Variants in TRIM37 observed in about 807,000 individuals in gnomAD.
TRIM37 encodes the protein tripartite motif containing 37.
In TRIM37, 80 loss-of-function variants were observed where a neutral mutation model predicts 129.8. The ratio of observed to expected loss-of-function variants is 0.62; its 90% CI spans 0.51 to 0.74. The LOEUF (loss-of-function observed/expected upper bound fraction) is 0.74. Among genes scored for constraint, TRIM37 ranks in the 30% least tolerant of loss-of-function variants. The pLI, the probability that TRIM37 is intolerant of heterozygous loss-of-function variation, is 0.00. For missense variants in TRIM37, 1,054 were observed against 1,176.5 expected (o/e 0.90, Z 1.52); for synonymous variants, 389 against 387.1 (o/e 1.00, Z -0.06).
intron 2 of TRIM37, among the ~76,000 whole-genome samples, chr17:59,093,638 AC>A (rs1334090104): frequency 6.6e-6 from 1 of 152,222 alleles, no homozygotes; most frequent in African/African-American, 2.4e-5. Flanking sequence ...ACTTATAAAG[AC>A]TGGGACTATG....
At chr17:59,039,323 A>C (rs192389982) in intron 17 of TRIM37, among the ~76,000 whole-genome samples, 3 of 148,292 alleles carry the variant, frequency 2.0e-5, no homozygotes, top group Non-Finnish European at 3.0e-5. Flanking sequence ...CAGAGGCCAC[A>C]CTTCCCAGCC....
intron 22 of TRIM37, among the ~76,000 whole-genome samples, chr17:59,007,158 A>ACACAC (rs2034600895): frequency 1.2e-4 from 1 of 8,332 alleles, no homozygotes; most frequent in African/African-American, 5.4e-4. Context: ...CCCACCCTCC[A>ACACAC]ACACACACAC....
rs567050670 is a variant in TRIM37, at chr17:59,083,983, C to T, written c.369+19G>A. The T allele has an allele frequency of 1.2e-6, 2 of 1,604,842 alleles. No individual in the cohort carries two copies. The highest frequency in any genetic ancestry group is 2.7e-5 in the African/African-American group (2 of 74,874). On this transcript the variant is annotated intron_variant, in intron 5 of 23. Transcript: ENST00000262294. ...TCTAGCCTCTAACTTAAAAAAAATA[C>T]TGAATTTGTTCTGCTCACCATTCCT...
intron 23 of TRIM37, among the ~76,000 whole-genome samples, chr17:59,000,262 A>G (rs1413064861): frequency 6.6e-6 from 1 of 152,238 alleles, no homozygotes; most frequent in Non-Finnish European, 1.5e-5. Flanking sequence ...AATAACATAC[A>G]AATATATTTA....
chr17:59,075,742 C>T (rs1481106941), intron 7 of TRIM37, 28 bp from the exon 8 acceptor site: 9 of 1,510,800 alleles, frequency 6.0e-6, no homozygotes, highest in Admixed American at 3.3e-5. Flanking sequence ...ATCATCAACA[C>T]TTGGGTTCAT....
downstream of TRIM37, among the ~76,000 whole-genome samples, chr17:58,995,861 T>C (rs1182517204): frequency 2.6e-5 from 4 of 151,802 alleles, no homozygotes; most frequent in Admixed American, 2.6e-4. Flanking sequence ...ACAAAAATTA[T>C]CCCAGTGTGA....
At chr17:59,051,634 T>C (rs1290451418) in intron 13 of TRIM37, among the ~76,000 whole-genome samples, 1 of 152,192 alleles carries the variant, frequency 6.6e-6, no homozygotes, top group Non-Finnish European at 1.5e-5. Context: ...TGATCATGAG[T>C]TGGGAAGAAG....
the TRIM37 span, chr17:58,969,743 A>G: frequency 4.3e-6 from 7 of 1,612,692 alleles, no homozygotes; most frequent in South Asian, 4.4e-5. Flanking sequence ...CCCCTTTCTC[A>G]TAAGTTCCAG....
At chr17:59,079,647 T>G in intron 7 of TRIM37, 107 bp downstream of exon 7, 1 of 1,452,434 alleles carries the variant, frequency 6.9e-7, no homozygotes, top group African/African-American at 1.4e-5. Flanking sequence ...TGGAGTTGCC[T>G]AAAATCTCAA....
At chr17:59,043,486 A>T (rs2039468101) in intron 16 of TRIM37, among the ~76,000 whole-genome samples, 1 of 152,228 alleles carries the variant, frequency 6.6e-6, no homozygotes, top group African/African-American at 2.4e-5. Flanking sequence ...AGACTGGTGC[A>T]GTGAAGAACA....
Position 58,999,236 on chromosome 17 carries a change from GTTTCCAAATTACTAT to G in TRIM37, c.*126_*140del. 1 of 1,572,838 alleles carries G rather than the reference GTTTCCAAATTACTAT, an allele frequency of 6.4e-7. No homozygotes were observed. Among genetic ancestry groups the G allele is most frequent in the Non-Finnish European group, 8.6e-7 (1 of 1,161,254 alleles). On this transcript the variant is annotated 3_prime_UTR_variant, in exon 24 of 24. Coordinates refer to ENST00000262294, the MANE Select transcript of TRIM37 (RefSeq NM_015294.6). Reference sequence around the variant, plus strand: ...GACTAAACTGTGCCACCTTCCAACAGTTTCCAAATTACTATTTCAGGTCGAGATAATGAAGAAATA... The same window carrying G: ...GACTAAACTGTGCCACCTTCCAACAGTTCAGGTCGAGATAATGAAGAAATA...
At position 59,017,088 on chromosome 17, in the gene TRIM37, C is replaced by T. The variant is rs138702448; in HGVS notation, c.2386+208G>A. Among the ~76,000 whole-genome samples the T allele has an allele frequency of 5.1e-4, 78 of 152,180 alleles. No homozygotes were observed. In the East Asian group the frequency reaches 0.011, roughly 22 times the overall value. ...GGCTGAGGCAGGAGGATCTCTTAAA[C>T]CACCGGTCGAGGCCACGGTGAGCCA... On this transcript the variant is annotated intron_variant, in intron 20 of 23. Coordinates refer to ENST00000262294, the MANE Select transcript of TRIM37 (RefSeq NM_015294.6).
At chr17:58,996,129 C>T (rs1242846519), downstream of TRIM37, among the ~76,000 whole-genome samples, 1 of 152,070 alleles carries the variant, frequency 6.6e-6, no homozygotes, top group Non-Finnish European at 1.5e-5. Flanking sequence ...CTCACAGACA[C>T]CATCTTAACC....
intron 9 of TRIM37, 28 bp downstream of exon 9, chr17:59,070,795 G>A (rs1408480157): frequency 1.2e-5 from 20 of 1,608,654 alleles, no homozygotes; most frequent in Non-Finnish European, 1.7e-5. Context: ...AATTTCAAAT[G>A]AAAATGAAAT....
intron 24 of TRIM37, among the ~76,000 whole-genome samples, chr17:58,990,174 G>C (rs1373964159): frequency 8.1e-5 from 5 of 61,378 alleles, no homozygotes. Flanking sequence ...GCAAGACCTT[G>C]TCTCAAAAAA....
intron 1 of TRIM37, among the ~76,000 whole-genome samples, chr17:59,105,737 T>A (rs2045934375): frequency 6.6e-6 from 1 of 152,180 alleles, no homozygotes; most frequent in Non-Finnish European, 1.5e-5. Flanking sequence ...ATAAGACTAC[T>A]GAATGACTAG....
At chr17:59,035,981 A>G (rs1483352298) in intron 17 of TRIM37, among the ~76,000 whole-genome samples, 1 of 152,120 alleles carries the variant, frequency 6.6e-6, no homozygotes, top group African/African-American at 2.4e-5. Context: ...CTAGTCTCAA[A>G]CTACCTTTCC....
chr17:58,969,645 T>C, the TRIM37 span: 1 of 1,614,186 alleles, frequency 6.2e-7, no homozygotes, highest in Non-Finnish European at 8.5e-7. Flanking sequence ...CGCCAGGAGA[T>C]GTTCCCCCAT....
intron 23 of TRIM37, among the ~76,000 whole-genome samples, chr17:59,000,376 G>C (rs896189489): frequency 6.6e-6 from 1 of 152,214 alleles, no homozygotes; most frequent in Non-Finnish European, 1.5e-5. Flanking sequence ...AAGGTGGGCA[G>C]ATCACCTGAG....
Sources: gnomAD v4.1 joint callset for allele counts (sites outside exome capture counted in the v4.1 genomes callset) on GRCh38, gnomAD v4.1.1 for gene constraint, MANE v1.5 for transcripts, NCBI Gene and HGNC (gene_info 2026-07-23, HGNC 2026-07-21) for gene names.